FAR2: variants seen among roughly 807,000 people sequenced by gnomAD.
FAR2 encodes the protein fatty acyl-CoA reductase 2, also known as epididymis secretory protein Li 81.
In FAR2, 19 loss-of-function variants were observed where a neutral mutation model predicts 56.0. The observed-to-expected ratio is 0.34, with a 90% CI of 0.24 to 0.50. The LOEUF (loss-of-function observed/expected upper bound fraction) is 0.50. Among genes scored for constraint, FAR2 ranks in the 20% least tolerant of loss-of-function variants. The probability of loss-of-function intolerance (pLI) is 0.98; values close to 1 mark genes in which losing one functional copy is unlikely to be tolerated. For missense variants in FAR2, 508 were observed against 642.2 expected (o/e 0.79, Z 2.26); for synonymous variants, 219 against 218.8 (o/e 1.00, Z -0.01).
chr12:29,328,496 A>C (rs373390233), intron 10 of FAR2, among the ~76,000 whole-genome samples: 25 of 152,316 alleles, frequency 1.6e-4, no homozygotes, highest in African/African-American at 6.0e-4. Context: ...GAACCAACCC[A>C]AATGTCCAAC....
At chr12:29,221,074 C>T (rs1282575372) in intron 1 of FAR2, among the ~76,000 whole-genome samples, 1 of 151,770 alleles carries the variant, frequency 6.6e-6, no homozygotes, top group Non-Finnish European at 1.5e-5. Context: ...AGTGAGCGTG[C>T]GTACAACTCC....
intron 2 of FAR2, chr12:29,277,811 A>AT (rs1948724075): frequency 6.6e-6 from 1 of 152,152 alleles, no homozygotes; most frequent in African/African-American, 2.4e-5. Context: ...AAGTATAATC[A>AT]TGCCTTTGCT....
chr12:29,219,916 A>G (rs1947666263), intron 1 of FAR2, among the ~76,000 whole-genome samples: 1 of 152,230 alleles, frequency 6.6e-6, no homozygotes, highest in South Asian at 2.1e-4. Context: ...CAGATTTAGA[A>G]ACCCAGAATC....
intron 4 of FAR2, among the ~76,000 whole-genome samples, chr12:29,302,438 TGCACACGTGCCTGGC>T (rs1388636192): frequency 3.3e-5 from 5 of 152,030 alleles, no homozygotes; most frequent in African/African-American, 1.2e-4. Context: ...AGGTGAGATG[TGCACACGTGCCTGGC>T]AGGGCAGCTG....
At position 29,335,212 on chromosome 12, in the gene FAR2, AGT is replaced by A. The variant is rs1300488301; in HGVS notation, c.*1421_*1422del. 3 of 152,194 alleles carry A rather than the reference AGT, an allele frequency of 2.0e-5. No individual in the cohort carries two copies. The highest frequency in any genetic ancestry group is 2.9e-5 in the Non-Finnish European group (2 of 68,032). 9.4% of individuals were successfully genotyped at this position (152,194 alleles called of 1,614,324 possible). On this transcript the variant is annotated 3_prime_UTR_variant, in exon 12 of 12. Coordinates refer to ENST00000536681, the MANE Select transcript of FAR2 (RefSeq NM_001271783.2). ...CAGAAAGGCACATCGTGGTAGTTTAAGTGTACAAGGCCTTAGGGCAGTATCTA... is the reference window on the plus strand; with the variant it reads ...CAGAAAGGCACATCGTGGTAGTTTAAGTACAAGGCCTTAGGGCAGTATCTA...
At chr12:29,319,458 A>G (rs1949517726) in intron 9 of FAR2, among the ~76,000 whole-genome samples, 1 of 151,992 alleles carries the variant, frequency 6.6e-6, no homozygotes, top group African/African-American at 2.4e-5. Context: ...TGGACATTTA[A>G]GTTTTCCCCT....
chr12:29,149,743 C>A (rs1432123348), intron 1 of FAR2, among the ~76,000 whole-genome samples: 1 of 152,220 alleles, frequency 6.6e-6, no homozygotes, highest in Non-Finnish European at 1.5e-5. Flanking sequence ...GGGGGCCGCG[C>A]CTTGGGGACT....
chr12:29,246,418 G>A (rs1948129010), intron 1 of FAR2, among the ~76,000 whole-genome samples: 1 of 151,948 alleles, frequency 6.6e-6, no homozygotes. Flanking sequence ...CAGAAAATAG[G>A]CAGGAATTTA....
intron 2 of FAR2, among the ~76,000 whole-genome samples, chr12:29,283,413 C>A (rs185351791): frequency 6.6e-6 from 1 of 152,230 alleles, no homozygotes; most frequent in African/African-American, 2.4e-5. Flanking sequence ...AATCTTCTAT[C>A]TTCCACATTT....
chr12:29,270,227 T>G (rs1480019134), intron 1 of FAR2, among the ~76,000 whole-genome samples, 185 bp from the exon 2 acceptor site: 1 of 152,222 alleles, frequency 6.6e-6, no homozygotes, highest in East Asian at 1.9e-4. Flanking sequence ...AAGTCTAGCA[T>G]GTAGAGAGAA....
intron 2 of FAR2, among the ~76,000 whole-genome samples, chr12:29,288,455 T>C (rs938257771): frequency 6.6e-6 from 1 of 152,134 alleles, no homozygotes; most frequent in Non-Finnish European, 1.5e-5. Flanking sequence ...TTTCTGAAAT[T>C]CTGTTTTTTC....
intron 2 of FAR2, among the ~76,000 whole-genome samples, chr12:29,270,896 A>G (rs190744403): frequency 8.5e-5 from 13 of 152,242 alleles, no homozygotes; most frequent in East Asian, 1.9e-4. Flanking sequence ...AAAATACTCA[A>G]ACTCCCTGAG....
At chr12:29,274,534 C>T (rs10843375) in intron 2 of FAR2, among the ~76,000 whole-genome samples, 66,178 of 151,790 alleles carry the variant, frequency 0.44, 15,414 homozygotes, top group African/African-American at 0.62. Flanking sequence ...AGCAGCATGA[C>T]TTATAATCCT....
chr12:29,280,597 A>T (rs1948771111), intron 2 of FAR2: 1 of 152,356 alleles, frequency 6.6e-6, no homozygotes, highest in Middle Eastern at 3.4e-3. Context: ...CCCCCAAATC[A>T]GTAGCTTAAT....
chr12:29,322,065 C>G, intron 10 of FAR2, 141 bp downstream of exon 10: 1 of 953,334 alleles, frequency 1.0e-6, no homozygotes, highest in Non-Finnish European at 1.5e-6. Flanking sequence ...CTAAGAAAAT[C>G]AGTCAATGCT....
chr12:29,192,608 A>G (rs936782789), intron 1 of FAR2, among the ~76,000 whole-genome samples: 1 of 152,206 alleles, frequency 6.6e-6, no homozygotes. Flanking sequence ...TTTAAACAGT[A>G]TCTGTATATT....
At chr12:29,174,718 C>G (rs1949920677) in intron 1 of FAR2, among the ~76,000 whole-genome samples, 1 of 152,118 alleles carries the variant, frequency 6.6e-6, no homozygotes, top group South Asian at 2.1e-4. Context: ...ACGCACCCGG[C>G]CAGGAGTGGC....
intron 1 of FAR2, among the ~76,000 whole-genome samples, chr12:29,252,545 C>T (rs564425794): frequency 9.9e-5 from 15 of 152,098 alleles, no homozygotes; most frequent in African/African-American, 3.4e-4. Flanking sequence ...CTCTTTTGTC[C>T]GCTTATCATG....
intron 1 of FAR2, among the ~76,000 whole-genome samples, chr12:29,190,547 C>G (rs1213757128): frequency 1.3e-5 from 2 of 152,132 alleles, no homozygotes; most frequent in Admixed American, 1.3e-4. Context: ...TCACTGAAAT[C>G]TCCGACTCCC....
Sources: gnomAD v4.1 joint callset for allele counts (sites outside exome capture counted in the v4.1 genomes callset) on GRCh38, gnomAD v4.1.1 for gene constraint, MANE v1.5 for transcripts, NCBI Gene and HGNC (gene_info 2026-07-23, HGNC 2026-07-21) for gene names.